The following NEDD4 variants were observed in gnomAD, a reference collection of about 807,000 sequenced individuals.
NEDD4 encodes the protein E3 ubiquitin-protein ligase NEDD4.
A neutral mutation model predicts 144.9 loss-of-function variants in NEDD4; 99 were observed. The ratio of observed to expected loss-of-function variants is 0.68; its 90% CI spans 0.58 to 0.81. The LOEUF (loss-of-function observed/expected upper bound fraction) is 0.81. Among genes scored for constraint, NEDD4 ranks in the 30% least tolerant of loss-of-function variants. NEDD4 has a pLI of 0.00. For synonymous variants in NEDD4, 318 were observed against 350.6 expected (o/e 0.91, Z 1.04); for missense variants, 985 against 1,065.9 (o/e 0.92, Z 1.06).
intron 2 of NEDD4, 28 bp downstream of exon 2, chr15:55,966,445 A>C (rs2037514210): frequency 7.1e-7 from 1 of 1,398,844 alleles, no homozygotes; most frequent in African/African-American, 1.5e-5. Flanking sequence ...CAAAGTTTTA[A>C]AATTATAATC....
intron 18 of NEDD4, among the ~76,000 whole-genome samples, chr15:55,846,060 T>C (rs1376946487): frequency 6.6e-6 from 1 of 152,118 alleles, no homozygotes; most frequent in Non-Finnish European, 1.5e-5. Flanking sequence ...GTGCTGGGAT[T>C]ACAGGCATGA....
At chr15:55,864,011 A>T (rs549278799) in intron 8 of NEDD4, among the ~76,000 whole-genome samples, 54 of 152,332 alleles carry the variant, frequency 3.5e-4, no homozygotes, top group Admixed American at 2.9e-3. Context: ...AAAGATTTTT[A>T]AAAAATGCAC....
chr15:55,883,696 A>AAAC, intron 5 of NEDD4, among the ~76,000 whole-genome samples: 1 of 112,256 alleles, frequency 8.9e-6, no homozygotes, highest in African/African-American at 3.2e-5. Flanking sequence ...CACACACACA[A>AAAC]ACACACACAC....
At chr15:55,849,382 G>C (rs372493803) in intron 14 of NEDD4, among the ~76,000 whole-genome samples, 5 of 152,178 alleles carry the variant, frequency 3.3e-5, no homozygotes, top group African/African-American at 1.2e-4. Context: ...GCACCACCAT[G>C]CCTAGCTAAT....
In NEDD4 at chr15:55,872,458, C is replaced by G; in HGVS notation, c.361G>C (p.Glu121Gln). The change falls in exon 7 of 29, where the codon GAG becomes CAG. Residue 121 changes from glutamate to glutamine, a missense_variant. By Grantham distance (29) the Glu-to-Gln change is conservative. Transcript: ENST00000435532. ...AAATCCTTAAATGTATATGGTCTCT[C>G]CAATCTTGGATTTTCTGTCTAGAAT... The part of the protein sequence containing the change: ...YPLPTENPRL[E>Q]RPYTFKDFVL... The G allele has an allele frequency of 6.8e-7, 1 of 1,462,302 alleles. No homozygotes were observed. Among genetic ancestry groups the G allele is most frequent in the Non-Finnish European group, 9.2e-7 (1 of 1,088,526 alleles). 90.6% of individuals were successfully genotyped at this position (1,462,302 alleles called of 1,614,324 possible).
At chr15:55,932,602 G>A (rs1253240965) in intron 4 of NEDD4, among the ~76,000 whole-genome samples, 2 of 152,184 alleles carry the variant, frequency 1.3e-5, no homozygotes, top group African/African-American at 4.8e-5. Context: ...TCAGGCCATA[G>A]GCATGGGCAA....
intron 1 of NEDD4, among the ~76,000 whole-genome samples, chr15:55,969,481 C>T (rs2037572337): frequency 6.6e-6 from 1 of 152,156 alleles, no homozygotes; most frequent in African/African-American, 2.4e-5. Context: ...GCTTGTGTCA[C>T]CCCTCCTCCA....
intron 27 of NEDD4, among the ~76,000 whole-genome samples, chr15:55,831,470 G>T (rs17238468): frequency 0.14 from 21,773 of 152,114 alleles, 1,937 homozygotes; most frequent in Non-Finnish European, 0.2. Context: ...AGGGGCATTT[G>T]TTTGCCCTGC....
chr15:55,880,251 C>G (rs529921408), intron 5 of NEDD4, among the ~76,000 whole-genome samples: 1 of 151,964 alleles, frequency 6.6e-6, no homozygotes, highest in Non-Finnish European at 1.5e-5. Context: ...GAGATCGCAC[C>G]ATTGCACGCT....
At chr15:55,897,521 C>A (rs1176646146) in intron 5 of NEDD4, among the ~76,000 whole-genome samples, 1 of 152,022 alleles carries the variant, frequency 6.6e-6, no homozygotes, top group East Asian at 1.9e-4. Flanking sequence ...TCTTAAAGTC[C>A]CACTTTGCCC....
At chr15:55,935,674 T>C (rs1373833614) in intron 4 of NEDD4, among the ~76,000 whole-genome samples, 2 of 151,786 alleles carry the variant, frequency 1.3e-5, no homozygotes, top group Non-Finnish European at 2.9e-5. Context: ...AGTGAAACCC[T>C]GTCTCTACTA....
chr15:55,833,323 G>C (rs533861441), intron 26 of NEDD4, among the ~76,000 whole-genome samples: 39 of 152,208 alleles, frequency 2.6e-4, no homozygotes, highest in African/African-American at 8.2e-4. Context: ...TTATAACCTA[G>C]TGAAGTAACA....
intron 8 of NEDD4, among the ~76,000 whole-genome samples, chr15:55,865,772 G>T (rs1308918290): frequency 6.6e-6 from 1 of 152,070 alleles, no homozygotes; most frequent in Non-Finnish European, 1.5e-5. Flanking sequence ...AAAAGAGTTG[G>T]GAAGGAAAGG....
intron 5 of NEDD4, among the ~76,000 whole-genome samples, chr15:55,904,396 A>G (rs1437818823): frequency 2.0e-5 from 3 of 151,866 alleles, no homozygotes; most frequent in African/African-American, 7.3e-5. Flanking sequence ...TCCGCCTCCC[A>G]GGTTAAAGAC....
In NEDD4 at chr15:55,880,875, G is replaced by A. The variant is rs917805621; in HGVS notation, c.292-6867C>T. On this transcript the variant is annotated intron_variant, in intron 5 of 28. Transcript: ENST00000435532. ...CTGCATAATACCCAGCACACAGTAA[G>A]TATTCAAAACATGTTAGCTAATATA... is the stretch of plus-strand genomic sequence containing the variant. 2.0e-5 allele frequency among the ~76,000 whole-genome samples: 3 copies of A among 152,144 alleles called. No homozygotes were observed. In the East Asian group the frequency reaches 5.8e-4, roughly 29 times the overall value.
intron 4 of NEDD4, chr15:55,934,793 A>G (rs983337847): frequency 8.0e-5 from 12 of 150,852 alleles, no homozygotes; most frequent in African/African-American, 2.9e-4. Context: ...ATTATTATTA[A>G]AATTTTATTT....
At position 55,957,161 on chromosome 15, in the gene NEDD4, T is replaced by C. The variant is rs7179593; in HGVS notation, c.120-5572A>G. ...ACTGACTTTGCATTTTGTGGTGGTG[T>C]TAAATTCATTTATTAGTTCTTCCAG... On this transcript the variant is annotated intron_variant, in intron 2 of 28. Coordinates refer to ENST00000435532, the MANE Select transcript of NEDD4 (RefSeq NM_006154.4). 2.5e-4 allele frequency among the ~76,000 whole-genome samples: 38 copies of C among 152,316 alleles called. No homozygotes were observed. The East Asian group carries it at 7.1e-3, about 29-fold the overall frequency.
intron 4 of NEDD4, among the ~76,000 whole-genome samples, chr15:55,933,526 T>C (rs1354795195): frequency 1.3e-5 from 1 of 76,788 alleles, no homozygotes; most frequent in Non-Finnish European, 2.4e-5. Flanking sequence ...CTGGGGCCTG[T>C]CGTGGGGTGG....
intron 5 of NEDD4, among the ~76,000 whole-genome samples, chr15:55,919,092 T>C (rs1316052062): frequency 6.6e-6 from 1 of 152,200 alleles, no homozygotes; most frequent in Non-Finnish European, 1.5e-5. Context: ...TAAGCTTCAC[T>C]ATAAGCATCA....
Sources: allele counts gnomAD v4.1 joint callset (sites outside exome capture counted in the v4.1 genomes callset), GRCh38; gene constraint gnomAD v4.1.1; transcripts MANE v1.5; gene names NCBI Gene and HGNC (gene_info 2026-07-23, HGNC 2026-07-21).